Variants in FASTKD2 observed in about 807,000 individuals in gnomAD.
FASTKD2 encodes FAST kinase domain-containing protein 2, mitochondrial.
A neutral mutation model predicts 63.6 loss-of-function variants in FASTKD2; 51 were observed. That is an observed-to-expected ratio of 0.80 (90% CI 0.64 to 1.01). The LOEUF is 1.01. Among genes scored for constraint, FASTKD2 ranks in the 50% least tolerant of loss-of-function variants. The pLI, the probability that FASTKD2 is intolerant of heterozygous loss-of-function variation, is 0.00. For synonymous variants in FASTKD2, 284 were observed against 293.4 expected (o/e 0.97, Z 0.33); for missense variants, 786 against 831.1 (o/e 0.95, Z 0.67).
At position 206,767,402 on chromosome 2, in the gene FASTKD2, C is replaced by T. The variant is rs755307728; in HGVS notation, c.709C>T (p.His237Tyr). 6.2e-7 allele frequency: 1 copy of T among 1,613,730 alleles called. No homozygotes were observed. The highest frequency in any genetic ancestry group is 1.1e-5 in the South Asian group (1 of 91,080). ...MQYKYLLFSL[H>Y]AIVKLGIPQN... is the part of the protein sequence containing the mutation. ...GTATAAGTACCTACTGTTCAGTCTTCACGCCATAGTGAAGCTTGGAATCCC... is the reference window on the plus strand; with the variant it reads ...GTATAAGTACCTACTGTTCAGTCTTTACGCCATAGTGAAGCTTGGAATCCC... Residue 237 changes from histidine to tyrosine, a missense_variant, in exon 2 of 12, where the codon CAC becomes TAC. Coordinates refer to ENST00000402774, the MANE Select transcript of FASTKD2 (RefSeq NM_001136193.2).
intron 3 of FASTKD2, 132 bp from the exon 4 acceptor site, chr2:206,771,050 C>A (rs908185876): frequency 1.5e-6 from 1 of 652,062 alleles, no homozygotes; most frequent in South Asian, 1.7e-5. Context: ...TACACTCTCT[C>A]AAGCAGGTAG....
intron 10 of FASTKD2, 172 bp downstream of exon 10, chr2:206,789,075 C>T (rs1001228328): frequency 9.6e-6 from 6 of 623,322 alleles, no homozygotes; most frequent in African/African-American, 5.5e-5. Flanking sequence ...TAAATGTGGA[C>T]GTTATGGTTG....
chr2:206,791,824 A>G lies in FASTKD2; in HGVS notation c.*22A>G, dbSNP rs766106172. On this transcript the variant is annotated 3_prime_UTR_variant, in exon 12 of 12. Coordinates refer to ENST00000402774, the MANE Select transcript of FASTKD2 (RefSeq NM_001136193.2). ...ATAAAGTGAAAATCAACCTTTTCAT[A>G]TTAGGAGACATGCATTTGTAAAAAT... The G allele has an allele frequency of 1.2e-5, 20 of 1,605,578 alleles. No individual in the cohort carries two copies. The Admixed American group carries it at 1.7e-4, about 13-fold the overall frequency.
In FASTKD2 at chr2:206,788,022, G is replaced by T. The variant is rs1690182158; in HGVS notation, c.1680G>T (p.Leu560Phe). Residue 560 changes from leucine to phenylalanine, a missense_variant, in exon 9 of 12, where the codon TTG becomes TTT. Transcript: ENST00000402774. ...CTGTCTATCTGAGGGACATAGCCTT[G>T]TCACTCCCACAGCTGCCGCGGGAGC... ...DDTVYLRDIA[L>F]SLPQLPRELP... is the part of the protein sequence containing the mutation. The T allele has an allele frequency of 6.2e-7, 1 of 1,613,584 alleles. No homozygotes were observed. The highest frequency in any genetic ancestry group is 1.1e-5 in the South Asian group (1 of 91,064).
intron 1 of FASTKD2, among the ~76,000 whole-genome samples, chr2:206,766,151 T>A (rs911090127): frequency 6.6e-6 from 1 of 150,388 alleles, no homozygotes; most frequent in African/African-American, 2.5e-5. Context: ...TCCCAGCTAC[T>A]TGGGAGGCTG....
rs1306572677 is a variant in FASTKD2, at chr2:206,786,891, T to C, written c.1586T>C (p.Leu529Pro). The C allele has an allele frequency of 6.2e-7, 1 of 1,609,904 alleles. No homozygotes were observed. The highest frequency in any genetic ancestry group is 8.5e-7 in the Non-Finnish European group (1 of 1,177,428). Residue 529 changes from leucine to proline, a missense_variant, in exon 8 of 12, where the codon CTG becomes CCG. Coordinates refer to ENST00000402774, the MANE Select transcript of FASTKD2 (RefSeq NM_001136193.2). ...LLQKDIISEL[L>P]TSDDMKNAYK... ...CAAAAAGACATCATCAGTGAGCTGC[T>C]GACATCAGGTAGGATGTTAGTGCAG... is the stretch of plus-strand genomic sequence containing the variant.
At position 206,772,329 on chromosome 2, in the gene FASTKD2, A is replaced by C. The variant is rs10177169; in HGVS notation, c.1254+9A>C. 2.4e-3 allele frequency: 3,833 copies of C among 1,613,244 alleles called. 65 individuals carry two copies. The African/African-American group carries it at 0.043, about 18-fold the overall frequency. On this transcript the variant is annotated intron_variant, in intron 6 of 11. Transcript: ENST00000402774. Reference sequence around the variant, plus strand: ...TCTGGAAGTTCAGAAAAGTGAGTACATTAACAATTTAGAATAAGCCTCACA... The same window carrying C: ...TCTGGAAGTTCAGAAAAGTGAGTACCTTAACAATTTAGAATAAGCCTCACA...
rs1181374277 is a variant in FASTKD2, at chr2:206,795,604, C to G, written c.*3802C>G. On this transcript the variant is annotated 3_prime_UTR_variant, in exon 12 of 12. Transcript: ENST00000402774. ...GGTGTGCCGTGACTCACTGGTGGAT[C>G]CAAAAAAAGCTGAAGCCTACATTTC... Among the ~76,000 whole-genome samples the G allele has an allele frequency of 1.3e-5, 2 of 152,088 alleles. No homozygotes were observed. The highest frequency in any genetic ancestry group is 4.8e-5 in the African/African-American group (2 of 41,414).
In FASTKD2 at chr2:206,792,204, G is replaced by A. The variant is rs1303349651; in HGVS notation, c.*402G>A. On this transcript the variant is annotated 3_prime_UTR_variant, in exon 12 of 12. Coordinates refer to ENST00000402774, the MANE Select transcript of FASTKD2 (RefSeq NM_001136193.2). ...AAGCTGTTCTAAGACTTGGGGTTAT[G>A]CCTTTAAATCATTTTCAAGCATTGG... 6.4e-5 allele frequency: 13 copies of A among 202,796 alleles called. No individual in the cohort carries two copies. In the South Asian group the frequency reaches 8.3e-4, roughly 13 times the overall value. 12.6% of individuals were successfully genotyped at this position (202,796 alleles called of 1,614,324 possible). A position where few individuals can be genotyped will look rare whatever the true frequency, so the allele number is the denominator to read the frequency against.
intron 7 of FASTKD2, among the ~76,000 whole-genome samples, chr2:206,783,561 T>G (rs376130032): frequency 6.6e-6 from 1 of 152,098 alleles, no homozygotes; most frequent in African/African-American, 2.4e-5. Context: ...TAAGTGGTAA[T>G]TAAAACTCCA....
rs970173367 is a variant in FASTKD2 at position 206,794,791 on chromosome 2, T to C, written c.*2989T>C. Among the ~76,000 whole-genome samples the C allele has an allele frequency of 2.6e-5, 4 of 152,232 alleles. No homozygotes were observed. The highest frequency in any genetic ancestry group is 9.6e-5 in the African/African-American group (4 of 41,464). On this transcript the variant is annotated 3_prime_UTR_variant, in exon 12 of 12. Coordinates refer to ENST00000402774, the MANE Select transcript of FASTKD2 (RefSeq NM_001136193.2). Reference sequence around the variant, plus strand: ...ACTATTCATATCAAGTATTTCCAAATAACAATGACATTCCAATTTATAGAA... The same window carrying C: ...ACTATTCATATCAAGTATTTCCAAACAACAATGACATTCCAATTTATAGAA...
chr2:206,767,452 T>A lies in FASTKD2; in HGVS notation c.759T>A (p.Thr253=). The change falls in exon 2 of 12, where the codon ACT becomes ACA. Residue 253 remains threonine (T), a synonymous_variant. Transcript: ENST00000402774. ...GIPQNTILVQ[T]LLRVTQERIN... ...CTCAGAACACTATTTTGGTGCAGAC[T>A]TTGCTGAGGGTGACCCAGGTAAAAT... 1 of 1,611,294 alleles carries A rather than the reference T, an allele frequency of 6.2e-7. No homozygotes were observed. The highest frequency in any genetic ancestry group is 8.5e-7 in the Non-Finnish European group (1 of 1,179,964).
Position 206,788,103 on chromosome 2 carries a change from A to G in FASTKD2, c.1761A>G (p.Gly587=). Reference sequence around the variant, plus strand: ...CAGAGGTGCTGAGCAGCCTTCTGGGAGGTGAAGGACACTTCTCAAAGGATG... The same window carrying G: ...CAGAGGTGCTGAGCAGCCTTCTGGGGGGTGAAGGACACTTCTCAAAGGATG... ...KVAEVLSSLL[G]GEGHFSKDVH... Residue 587 remains glycine, a synonymous_variant, in exon 9 of 12, where the codon GGA becomes GGG. Coordinates refer to ENST00000402774, the MANE Select transcript of FASTKD2 (RefSeq NM_001136193.2). 1 of 1,613,118 alleles carries G rather than the reference A, an allele frequency of 6.2e-7. No homozygotes were observed. Among genetic ancestry groups the G allele is most frequent in the South Asian group, 1.1e-5 (1 of 90,932 alleles).
At chr2:206,780,354 C>A (rs12478819) in intron 7 of FASTKD2, among the ~76,000 whole-genome samples, 1 of 152,070 alleles carries the variant, frequency 6.6e-6, no homozygotes, top group African/African-American at 2.4e-5. Context: ...TTTTGAAGGA[C>A]GGTTTTGCCA....
At chr2:206,787,821 A>G (rs1267053289) in intron 8 of FASTKD2, 116 bp from the exon 9 acceptor site, 9 of 435,250 alleles carry the variant, frequency 2.1e-5, no homozygotes, top group Non-Finnish European at 3.6e-5. Context: ...TAGAAATACA[A>G]GTGCATTTAT....
chr2:206,772,279 G>A lies in FASTKD2; in HGVS notation c.1213G>A (p.Asp405Asn). 6.2e-7 allele frequency: 1 copy of A among 1,614,102 alleles called. No homozygotes were observed. Among genetic ancestry groups the A allele is most frequent in the Non-Finnish European group, 8.5e-7 (1 of 1,179,968 alleles). ...TTTGGATCTCTTCAAGGGACTTGCA[G>A]ATTATGTGGCTGCAACTTTCGACAT... Reference protein sequence around the residue: ...HNLDLFKGLADYVAATFDIWK... With the variant: ...HNLDLFKGLANYVAATFDIWK... The change falls in exon 6 of 12, where the codon GAT (aspartate) becomes AAT (asparagine). Residue 405 changes from aspartate to asparagine, a missense_variant. Transcript: ENST00000402774.
In FASTKD2 at chr2:206,766,907, G is replaced by A. The variant is rs751798516; in HGVS notation, c.214G>A (p.Asp72Asn). The change falls in exon 2 of 12, where the codon GAT becomes AAT. Residue 72 changes from aspartate (D) to asparagine (N), a missense_variant. Physicochemically the swap from Asp to Asn is conservative, Grantham distance 23. Transcript: ENST00000402774. ...CTTTCATAACAGAATGCAATCAACT[G>A]ATATCATTAGATATCTCTTTCAGGA... is the stretch of plus-strand genomic sequence containing the variant. ...NNFHNRMQST[D>N]IIRYLFQDAF... 7 of 1,597,270 alleles carry A rather than the reference G, an allele frequency of 4.4e-6. No individual in the cohort carries two copies. The highest frequency in any genetic ancestry group is 1.3e-5 in the African/African-American group (1 of 74,252).
Position 206,791,674 on chromosome 2 carries a change from T to G in FASTKD2, c.2014-9T>G, listed in dbSNP as rs1389278009. 2 of 1,612,372 alleles carry G rather than the reference T, an allele frequency of 1.2e-6. No individual in the cohort carries two copies. The highest frequency in any genetic ancestry group is 3.3e-5 in the Admixed American group (2 of 60,028). On this transcript the variant is annotated splice_polypyrimidine_tract_variant and intron_variant, in intron 11 of 11. Transcript: ENST00000402774. ...CACAAACTGATTATTTTCCTCTTTC[T>G]TTGGTAAGGTCAATAACTGGGAGAT...
chr2:206,786,683 A>G, intron 7 of FASTKD2, 50 bp from the exon 8 acceptor site: 2 of 1,502,432 alleles, frequency 1.3e-6, no homozygotes, highest in Non-Finnish European at 1.9e-6. Context: ...ATCGTTACAG[A>G]TATTGGCCTT....
Sources: gnomAD v4.1 joint callset for allele counts (sites outside exome capture counted in the v4.1 genomes callset) on GRCh38, gnomAD v4.1.1 for gene constraint, MANE v1.5 for transcripts, NCBI Gene and HGNC (gene_info 2026-07-23, HGNC 2026-07-21) for gene names.